The following MRPL46 variants were observed in gnomAD, a reference collection of about 807,000 sequenced individuals.
MRPL46 encodes the protein large ribosomal subunit protein mL46.
MRPL46 carries 26 observed loss-of-function variants against 31.0 expected under a neutral mutation model. That is an observed-to-expected ratio of 0.84 (90% CI 0.61 to 1.16). The LOEUF (loss-of-function observed/expected upper bound fraction) is 1.16, where lower values mean the gene tolerates loss of function less well. MRPL46 is among the 50% of genes most tolerant of loss of function. MRPL46 has a pLI of 0.00. For missense variants in MRPL46, 395 were observed against 340.0 expected (o/e 1.16, Z -1.27); for synonymous variants, 159 against 141.3 (o/e 1.13, Z -0.89).
rs141692601 is a variant in MRPL46 at position 88,467,201 on chromosome 15, G to A, written c.177C>T (p.Val59=). 517 of 1,614,144 alleles carry A rather than the reference G, an allele frequency of 3.2e-4. 1 individual carries two copies. The African/African-American group carries it at 5.3e-3, about 17-fold the overall frequency. The change falls in exon 1 of 4, where the codon GTC becomes GTT. Residue 59 remains valine, a synonymous_variant. Transcript: ENST00000312475. ...CCTGCAATGGGGTCAACGGCTTGGA[G>A]ACTACAGGTGGCCGCTGCAGGCACA... ...GALCLQRPPV[V]SKPLTPLQEE... is the part of the protein sequence containing the mutation.
chr15:88,465,450 A>T, intron 2 of MRPL46, 137 bp downstream of exon 2: 1 of 916,894 alleles, frequency 1.1e-6, no homozygotes, highest in Non-Finnish European at 1.6e-6. Context: ...GTATTATGGT[A>T]GATGTGAGCA....
rs1477878478 is a variant in MRPL46 at position 88,463,837 on chromosome 15, C to A, written c.589+866G>T. 1.3e-5 allele frequency: 2 copies of A among 152,134 alleles called. No individual in the cohort carries two copies. The highest frequency in any genetic ancestry group is 4.8e-5 in the African/African-American group (2 of 41,418). The allele number at this position is 152,134 out of a possible 1,614,324, so 9.4% of individuals were successfully genotyped here. A position where few individuals can be genotyped will look rare whatever the true frequency, so the allele number is the denominator to read the frequency against. Reference sequence around the variant, plus strand: ...CAGACTGATGAGACTGGGATCAGGGCAAATAAGATTTGCAGGCCATGCTTG... The same window carrying A: ...CAGACTGATGAGACTGGGATCAGGGAAAATAAGATTTGCAGGCCATGCTTG... On this transcript the variant is annotated intron_variant, in intron 3 of 3. Coordinates refer to ENST00000312475, the MANE Select transcript of MRPL46 (RefSeq NM_022163.4). The surrounding 1 kb of genome is among the most constrained non-coding windows in gnomAD (Gnocchi z 5.4).
intron 2 of MRPL46, 44 bp downstream of exon 2, chr15:88,465,543 T>C: frequency 1.3e-6 from 2 of 1,490,592 alleles, no homozygotes; most frequent in Non-Finnish European, 1.8e-6. Context: ...GGAATCCAAA[T>C]ACCCCTTTTC....
At position 88,467,256 on chromosome 15, in the gene MRPL46, T is replaced by C. The variant is rs2055552805; in HGVS notation, c.122A>G (p.Asn41Ser). The change falls in exon 1 of 4, where the codon AAC (asparagine) becomes AGC (serine). Residue 41 changes from asparagine to serine, a missense_variant. Asn to Ser is a conservative substitution (Grantham distance 46). Coordinates refer to ENST00000312475, the MANE Select transcript of MRPL46 (RefSeq NM_022163.4). ...GCCCAACAAGCGCCATGGGGATCCG[T>C]TGCTTGAGGGTGCGGCTGCAAGAGC... ...SLALAAAPSS[N>S]GSPWRLLGAL... The C allele has an allele frequency of 6.2e-7, 1 of 1,614,086 alleles. No individual in the cohort carries two copies. The highest frequency in any genetic ancestry group is 1.1e-5 in the South Asian group (1 of 91,084).
At chr15:88,460,096 TG>T in intron 3 of MRPL46, 3 of 545,420 alleles carry the variant, frequency 5.5e-6, no homozygotes, top group Non-Finnish European at 9.8e-6. Context: ...GCCAAGCTAC[TG>T]TTTTTAGACT....
intron 1 of MRPL46, among the ~76,000 whole-genome samples, chr15:88,466,709 C>A (rs117846381): frequency 2.0e-5 from 3 of 152,224 alleles, no homozygotes; most frequent in African/African-American, 7.2e-5. Flanking sequence ...AGCCACTACA[C>A]TGTTTTTGCC....
rs780137217 is a variant in MRPL46 at position 88,467,180 on chromosome 15, C to A, written c.198G>T (p.Leu66Phe). ...PPVVSKPLTP[L>F]QEEMASLLQQ... is the part of the protein sequence containing the mutation. The stretch of plus-strand genomic sequence containing the variant: ...GCAGTAGAGACGCCATCTCTTCCTG[C>A]AATGGGGTCAACGGCTTGGAGACTA... The change falls in exon 1 of 4, where the codon TTG becomes TTT. Residue 66 changes from leucine to phenylalanine, a missense_variant. Leu to Phe is a conservative substitution (Grantham distance 22, BLOSUM62 0). Transcript: ENST00000312475. 1 of 1,614,142 alleles carries A rather than the reference C, an allele frequency of 6.2e-7. No homozygotes were observed. The highest frequency in any genetic ancestry group is 1.1e-5 in the South Asian group (1 of 91,084).
At chr15:88,465,156 C>T (rs1188624287) in intron 2 of MRPL46, 3 of 425,020 alleles carry the variant, frequency 7.1e-6, no homozygotes, top group South Asian at 6.7e-5. Context: ...CTAATTCAAA[C>T]ACAACTACTT....
chr15:88,467,126 C>G (rs1368124539), intron 1 of MRPL46, 24 bp downstream of exon 1: 2 of 1,609,160 alleles, frequency 1.2e-6, no homozygotes, highest in African/African-American at 2.7e-5. Context: ...AAACGTCACT[C>G]TGAACCCTGC....
At chr15:88,460,157 T>C in intron 3 of MRPL46, 1 of 369,392 alleles carries the variant, frequency 2.7e-6, no homozygotes, top group Non-Finnish European at 4.9e-6. Context: ...GAGCACCTAG[T>C]TCCTACATTC....
At position 88,467,242 on chromosome 15, in the gene MRPL46, G is replaced by T. The variant is rs781001525; in HGVS notation, c.136C>A (p.Arg46Ser). ...AAPSSNGSPW[R>S]LLGALCLQRP... is the part of the protein sequence containing the mutation. Reference sequence around the variant, plus strand: ...TGCAGGCACAACGCGCCCAACAAGCGCCATGGGGATCCGTTGCTTGAGGGT... The same window carrying T: ...TGCAGGCACAACGCGCCCAACAAGCTCCATGGGGATCCGTTGCTTGAGGGT... Residue 46 changes from arginine to serine, a missense_variant, in exon 1 of 4, where the codon CGC (arginine) becomes AGC (serine). By Grantham distance (110) the Arg-to-Ser change is moderately radical (BLOSUM62 -1). Transcript: ENST00000312475. 2.5e-6 allele frequency: 4 copies of T among 1,614,122 alleles called. No homozygotes were observed. The highest frequency in any genetic ancestry group is 2.5e-6 in the Non-Finnish European group (3 of 1,180,018).
Position 88,467,333 on chromosome 15 carries a change from AC to A in MRPL46, c.44del (p.Gly15ValfsTer13), listed in dbSNP as rs1182388501. 1 of 1,600,318 alleles carries A rather than the reference AC, an allele frequency of 6.2e-7. No homozygotes were observed. The highest frequency in any genetic ancestry group is 8.5e-7 in the Non-Finnish European group (1 of 1,173,794). On this transcript the variant is annotated frameshift_variant, in exon 1 of 4. Coordinates refer to ENST00000312475, the MANE Select transcript of MRPL46 (RefSeq NM_022163.4). LOFTEE classifies it high-confidence loss of function. ...CCCAGAGCCTCTCGAACCGCCGCCA[AC>A]CCCCCGCCACCCCTAACAGCGTCCG... ...VRRTLLGVAGGWRRFERLWAG... is the reference protein window; with the variant it reads ...VRRTLLGVAGXWRRFERLWAG...
Position 88,467,234 on chromosome 15 carries a change from C to G in MRPL46, c.144G>C (p.Leu48Phe). ...GTGGCCGCTGCAGGCACAACGCGCCCAACAAGCGCCATGGGGATCCGTTGC... is the reference window on the plus strand; with the variant it reads ...GTGGCCGCTGCAGGCACAACGCGCCGAACAAGCGCCATGGGGATCCGTTGC... Reference protein sequence around the residue: ...PSSNGSPWRLLGALCLQRPPV... With the variant: ...PSSNGSPWRLFGALCLQRPPV... The change falls in exon 1 of 4, where the codon TTG becomes TTC. Residue 48 changes from leucine to phenylalanine, a missense_variant. By Grantham distance (22) the Leu-to-Phe change is conservative. Transcript: ENST00000312475. The G allele has an allele frequency of 6.2e-7, 1 of 1,614,130 alleles. No individual in the cohort carries two copies. Among genetic ancestry groups the G allele is most frequent in the Non-Finnish European group, 8.5e-7 (1 of 1,180,016 alleles).
chr15:88,467,039 T>C (rs1443224960), intron 1 of MRPL46, 111 bp downstream of exon 1: 1 of 1,221,300 alleles, frequency 8.2e-7, no homozygotes. Context: ...GTCAGTAAGG[T>C]AGGTACCATT....
intron 3 of MRPL46, 169 bp downstream of exon 3, chr15:88,464,534 A>T (rs1190801751): frequency 1.5e-5 from 10 of 673,576 alleles, no homozygotes; most frequent in South Asian, 1.5e-4. Flanking sequence ...TAAAAAAAAA[A>T]TAAAAAAAAT....
chr15:88,466,535 G>C (rs2055536558), intron 1 of MRPL46, among the ~76,000 whole-genome samples: 1 of 152,166 alleles, frequency 6.6e-6, no homozygotes, highest in Admixed American at 6.5e-5. Flanking sequence ...ACATCTGTAG[G>C]TTGAGTAACA....
At chr15:88,466,875 C>G (rs1004784212) in intron 1 of MRPL46, among the ~76,000 whole-genome samples, 1 of 152,206 alleles carries the variant, frequency 6.6e-6, no homozygotes, top group Non-Finnish European at 1.5e-5. Context: ...CTTGTAAGCT[C>G]CTAGTGACAC....
chr15:88,459,789 G>A lies in MRPL46; in HGVS notation c.664C>T (p.Arg222Trp), dbSNP rs140277766. Residue 222 changes from arginine to tryptophan, a missense_variant, in exon 4 of 4, where the codon CGG (arginine) becomes TGG (tryptophan). By Grantham distance (101) the Arg-to-Trp change is moderately radical. Coordinates refer to ENST00000312475, the MANE Select transcript of MRPL46 (RefSeq NM_022163.4). ...TTGGCTCCGAGGTTACTCTCTGTCCGCATTGCCTGGGGGAACTTGAATGTG... is the reference window on the plus strand; with the variant it reads ...TTGGCTCCGAGGTTACTCTCTGTCCACATTGCCTGGGGGAACTTGAATGTG... ...HYTFKFPQAM[R>W]TESNLGAKVF... The A allele has an allele frequency of 9.2e-5, 148 of 1,614,196 alleles. 1 individual carries two copies. The highest frequency in any genetic ancestry group is 6.6e-4 in the South Asian group (60 of 91,084).
At chr15:88,464,016 A>G (rs1226290718) in intron 3 of MRPL46, 4 of 152,264 alleles carry the variant, frequency 2.6e-5, no homozygotes, top group African/African-American at 9.7e-5. Context: ...AGCTCAGTAT[A>G]GTACTTCTCA....
Sources: allele counts gnomAD v4.1 joint callset (sites outside exome capture counted in the v4.1 genomes callset), GRCh38; gene constraint gnomAD v4.1.1; non-coding constraint Gnocchi (gnomAD v3.1); transcripts MANE v1.5; gene names NCBI Gene and HGNC (gene_info 2026-07-23, HGNC 2026-07-21).